ZNF385A: variants seen among roughly 807,000 people sequenced by gnomAD.
ZNF385A encodes zinc finger protein 385A.
In ZNF385A, 14 loss-of-function variants were observed where a neutral mutation model predicts 32.1. The ratio of observed to expected loss-of-function variants is 0.44; its 90% CI spans 0.29 to 0.68. ZNF385A has a LOEUF of 0.68. ZNF385A is among the 30% of genes least tolerant of loss of function. The probability of loss-of-function intolerance (pLI) is 0.14; values close to 1 mark genes in which losing one functional copy is unlikely to be tolerated. For synonymous variants in ZNF385A, 197 were observed against 202.7 expected (o/e 0.97, Z 0.24); for missense variants, 406 against 478.4 (o/e 0.85, Z 1.41).
Position 54,375,923 on chromosome 12 carries a change from T to A in ZNF385A, c.119A>T (p.His40Leu). 1 of 1,614,032 alleles carries A rather than the reference T, an allele frequency of 6.2e-7. No individual in the cohort carries two copies. Among genetic ancestry groups the A allele is most frequent in the Non-Finnish European group, 8.5e-7 (1 of 1,179,992 alleles). ...MDPVQKAVLS[H>L]TFGGPLLKTK... ...CTTGAGCAAGGGTCCCCCAAAAGTG[T>A]GGGAGAGCACAGCCTTCTGCACAGG... The change falls in exon 2 of 7, where the codon CAC becomes CTC. Residue 40 changes from histidine to leucine, a missense_variant. Coordinates refer to ENST00000394313, the MANE Select transcript of ZNF385A (RefSeq NM_015481.3).
intron 1 of ZNF385A, chr12:54,391,161 G>A (rs1216158233): frequency 6.9e-7 from 1 of 1,442,128 alleles, no homozygotes; most frequent in Non-Finnish European, 9.2e-7. Context: ...CCGGGAGATG[G>A]TGGAGGGGGG....
intron 2 of ZNF385A, among the ~76,000 whole-genome samples, chr12:54,374,612 T>C (rs1954743850): frequency 6.6e-6 from 1 of 152,158 alleles, no homozygotes; most frequent in South Asian, 2.1e-4. Context: ...CTGTCCTGAC[T>C]ACTTCCCCTT....
intron 1 of ZNF385A, among the ~76,000 whole-genome samples, chr12:54,390,920 C>T (rs1955622056): frequency 6.6e-6 from 1 of 152,052 alleles, no homozygotes; most frequent in African/African-American, 2.4e-5. Context: ...CCTCCCCCAG[C>T]CTCTCGTAGA....
At chr12:54,388,598 CAG>C (rs1222748577), upstream of ZNF385A, among the ~76,000 whole-genome samples, 1 of 152,142 alleles carries the variant, frequency 6.6e-6, no homozygotes, top group African/African-American at 2.4e-5. Flanking sequence ...GGATTAAGAT[CAG>C]AGAGAGATAT....
chr12:54,388,826 C>CT (rs1043549208), upstream of ZNF385A, among the ~76,000 whole-genome samples: 4 of 152,254 alleles, frequency 2.6e-5, no homozygotes, highest in African/African-American at 9.6e-5. Flanking sequence ...ACCCCTGGGT[C>CT]TTTTTTACCA....
chr12:54,386,922 T>C (rs1282305131), upstream of ZNF385A, among the ~76,000 whole-genome samples: 1 of 152,234 alleles, frequency 6.6e-6, no homozygotes, highest in African/African-American at 2.4e-5. Flanking sequence ...CTGATAATAT[T>C]TTTCTACTTG....
chr12:54,379,248 C>T (rs765493470), intron 1 of ZNF385A: 410 of 971,626 alleles, frequency 4.2e-4, no homozygotes, highest in Non-Finnish European at 4.7e-4. Context: ...GAGCCCGCCC[C>T]GGAGGCGGGG....
At position 54,369,996 on chromosome 12, in the gene ZNF385A, C is replaced by T. The variant is rs559354706; in HGVS notation, c.*260G>A. 7.7e-6 allele frequency: 3 copies of T among 387,116 alleles called. No individual in the cohort carries two copies. In the South Asian group the frequency reaches 3.2e-4, roughly 41 times the overall value. The allele number at this position is 387,116 out of a possible 1,614,324, so 24.0% of individuals were successfully genotyped here. A position where few individuals can be genotyped will look rare whatever the true frequency, so the allele number is the denominator to read the frequency against. On this transcript the variant is annotated 3_prime_UTR_variant, in exon 7 of 7. Transcript: ENST00000394313. ...GAGGGGGGGTGTCTCCAAGGGGGCT[C>T]GGGGGTGAGACGGCCCCCCCTTTTC... is the stretch of plus-strand genomic sequence containing the variant.
chr12:54,386,037 GT>G (rs1441497784), upstream of ZNF385A, among the ~76,000 whole-genome samples: 1 of 152,114 alleles, frequency 6.6e-6, no homozygotes, highest in Non-Finnish European at 1.5e-5. Flanking sequence ...GCTACTGGGA[GT>G]TTGGGCTTCA....
chr12:54,370,136 G>GT lies in ZNF385A; in HGVS notation c.*119dup, dbSNP rs1314870195. On this transcript the variant is annotated 3_prime_UTR_variant, in exon 7 of 7. Transcript: ENST00000394313. The surrounding 1 kb of genome is among the most constrained non-coding windows in gnomAD (Gnocchi z 5.5). ...CTTTCCTGGAACCCCGTATCTCGGG[G>GT]TGGGGGGGGGGAAGGAGAGATCATT... 3.3e-5 allele frequency: 25 copies of GT among 766,034 alleles called. No homozygotes were observed. The highest frequency in any genetic ancestry group is 2.0e-5 in the Non-Finnish European group (11 of 540,978). The allele number at this position is 766,034 out of a possible 1,614,324, so 47.5% of individuals were successfully genotyped here. A position where few individuals can be genotyped will look rare whatever the true frequency, so the allele number is the denominator to read the frequency against.
At chr12:54,379,024 A>C (rs1954992498) in intron 1 of ZNF385A, 2 of 980,638 alleles carry the variant, frequency 2.0e-6, no homozygotes, top group South Asian at 9.5e-5. Flanking sequence ...GCGCTGCGGC[A>C]GCCGCGGGAG....
At chr12:54,383,807 A>G (rs1955323432) in intron 1 of ZNF385A, among the ~76,000 whole-genome samples, 1 of 152,216 alleles carries the variant, frequency 6.6e-6, no homozygotes, top group African/African-American at 2.4e-5. Flanking sequence ...AGGCAGGAGA[A>G]TCGGTGAACT....
upstream of ZNF385A, chr12:54,384,772 C>T (rs1338538795): frequency 1.6e-6 from 2 of 1,246,178 alleles, no homozygotes; most frequent in African/African-American, 3.1e-5. Flanking sequence ...CCAGTCCTTC[C>T]CTTCTGGGTG....
intron 1 of ZNF385A, 38 bp downstream of exon 1, chr12:54,384,390 C>T (rs1198083232): frequency 6.5e-7 from 1 of 1,547,218 alleles, no homozygotes; most frequent in Non-Finnish European, 8.7e-7. Context: ...AAGGTCGGGT[C>T]ACAAGAGGAT....
At chr12:54,381,631 T>C (rs561355988) in intron 1 of ZNF385A, among the ~76,000 whole-genome samples, 1 of 152,366 alleles carries the variant, frequency 6.6e-6, no homozygotes, top group South Asian at 2.1e-4. Flanking sequence ...CCCCATCTTA[T>C]GACCTAGTCA....
chr12:54,385,720 C>A (rs1418806998), upstream of ZNF385A: 13 of 975,906 alleles, frequency 1.3e-5, no homozygotes, highest in Non-Finnish European at 1.6e-5. Flanking sequence ...CTGGCCCTGG[C>A]CCCCCAGGGG....
chr12:54,372,312 C>G (rs1333671683), intron 3 of ZNF385A, among the ~76,000 whole-genome samples: 1 of 152,200 alleles, frequency 6.6e-6, no homozygotes, highest in Non-Finnish European at 1.5e-5. Flanking sequence ...ACAGGGGAAA[C>G]TCTAGCGCTC....
chr12:54,391,191 A>G, intron 1 of ZNF385A: 1 of 1,472,262 alleles, frequency 6.8e-7, no homozygotes, highest in Non-Finnish European at 9.0e-7. Flanking sequence ...ACCCACAGAG[A>G]GGAACCCAGG....
chr12:54,371,793 C>T (rs1308492866), intron 3 of ZNF385A, 78 bp from the exon 4 acceptor site: 4 of 1,583,660 alleles, frequency 2.5e-6, no homozygotes, highest in African/African-American at 1.4e-5. Flanking sequence ...AGACCCCCCC[C>T]ATTTCCTGGA....
Sources: allele counts gnomAD v4.1 joint callset (sites outside exome capture counted in the v4.1 genomes callset), GRCh38; gene constraint gnomAD v4.1.1; non-coding constraint Gnocchi (gnomAD v3.1); transcripts MANE v1.5; gene names NCBI Gene and HGNC (gene_info 2026-07-23, HGNC 2026-07-21).